The following ATOH8 variants were observed in gnomAD, a reference collection of about 807,000 sequenced individuals.
ATOH8 encodes transcription factor ATOH8.
ATOH8 carries 9 observed loss-of-function variants against 21.2 expected under a neutral mutation model. The observed-to-expected ratio is 0.42, with a 90% CI of 0.26 to 0.74. The LOEUF (loss-of-function observed/expected upper bound fraction) is 0.74, where lower values mean the gene tolerates loss of function less well. ATOH8 is among the 30% of genes least tolerant of loss of function. The pLI is 0.24. For synonymous variants in ATOH8, 253 were observed against 224.0 expected (o/e 1.13, Z -1.16); for missense variants, 524 against 470.9 (o/e 1.11, Z -1.04).
chr2:85,763,798 A>G (rs1679929233), intron 1 of ATOH8, among the ~76,000 whole-genome samples, 193 bp from the exon 2 acceptor site: 1 of 150,214 alleles, frequency 6.7e-6, no homozygotes, highest in African/African-American at 2.5e-5. Context: ...GAATGTGGGT[A>G]TATCTCAGAG....
At chr2:85,778,811 G>A (rs1274042755) in intron 2 of ATOH8, among the ~76,000 whole-genome samples, 1 of 152,218 alleles carries the variant, frequency 6.6e-6, no homozygotes. Context: ...ACCGTGGTCG[G>A]GGCATGTGAA....
At chr2:85,774,191 G>C (rs1343820834) in intron 2 of ATOH8, 1 of 985,386 alleles carries the variant, frequency 1.0e-6, no homozygotes, top group Non-Finnish European at 1.2e-6. Flanking sequence ...ACCCGAGGAA[G>C]GAAGAGGAAC....
At chr2:85,757,786 AT>A (rs11398141) in intron 1 of ATOH8, among the ~76,000 whole-genome samples, 7,488 of 138,594 alleles carry the variant, frequency 0.054, 553 homozygotes, top group East Asian at 0.24. Flanking sequence ...CTTTCATTTC[AT>A]TTTTTTTTTT....
At chr2:85,767,580 T>TCCTCCCCTCCCCTCCCCTCCCCTCC (rs1558611965) in intron 2 of ATOH8, among the ~76,000 whole-genome samples, 1 of 79,228 alleles carries the variant, frequency 1.3e-5, no homozygotes, top group Admixed American at 1.4e-4. Flanking sequence ...CCCTCCCCTC[T>TCCTCCCCTCCCCTCCCCTCCCCTCC]CCTTCCCTTC....
chr2:85,763,105 A>G (rs1416207595), intron 1 of ATOH8, among the ~76,000 whole-genome samples: 1 of 152,136 alleles, frequency 6.6e-6, no homozygotes, highest in Non-Finnish European at 1.5e-5. Context: ...TGAACAGTAC[A>G]TCATAGGAAC....
At chr2:85,783,195 C>T (rs1680540845) in intron 2 of ATOH8, among the ~76,000 whole-genome samples, 1 of 152,216 alleles carries the variant, frequency 6.6e-6, no homozygotes, top group Non-Finnish European at 1.5e-5. Context: ...TTCAGCACGT[C>T]AGAGCAGCTG....
intron 1 of ATOH8, among the ~76,000 whole-genome samples, chr2:85,758,165 T>G (rs1679769271): frequency 6.6e-6 from 1 of 152,198 alleles, no homozygotes; most frequent in Non-Finnish European, 1.5e-5. Context: ...CAATAAGAAT[T>G]CTTTAATTGT....
Position 85,754,952 on chromosome 2 carries a change from A to C in ATOH8, c.763A>C (p.Lys255Gln). The change falls in exon 1 of 3, where the codon AAG becomes CAG. Residue 255 changes from lysine (K) to glutamine (Q), a missense_variant. Physicochemically the swap from Lys to Gln is moderately conservative, Grantham distance 53 (BLOSUM62 1). Transcript: ENST00000306279. ...CAGCGCAGCCTTCGAGGCGCTCAGG[A>C]AGCAGGTACCCGCTCGCCGCCGCAC... ...TISAAFEALR[K>Q]QVPCYSYGQK... The C allele has an allele frequency of 4.4e-6, 7 of 1,590,770 alleles. No homozygotes were observed. Among genetic ancestry groups the C allele is most frequent in the Non-Finnish European group, 6.0e-6 (7 of 1,173,494 alleles).
intron 1 of ATOH8, among the ~76,000 whole-genome samples, chr2:85,762,799 C>T (rs756439776): frequency 2.1e-4 from 32 of 152,088 alleles, no homozygotes; most frequent in Non-Finnish European, 8.8e-5. Context: ...GTTGTGGGGG[C>T]ACTGTAGGAT....
chr2:85,762,935 A>T (rs1679904356), intron 1 of ATOH8, among the ~76,000 whole-genome samples: 1 of 152,124 alleles, frequency 6.6e-6, no homozygotes, highest in South Asian at 2.1e-4. Context: ...TGCCTGGCAT[A>T]TGGTGGGCGC....
intron 1 of ATOH8, among the ~76,000 whole-genome samples, chr2:85,760,265 C>T (rs1298264473): frequency 4.0e-5 from 6 of 150,614 alleles, no homozygotes; most frequent in Non-Finnish European, 4.4e-5. Context: ...GGCAGTCTGT[C>T]GGGAGTGGGA....
At chr2:85,784,982 T>C (rs368347641) in intron 2 of ATOH8, among the ~76,000 whole-genome samples, 20 of 152,324 alleles carry the variant, frequency 1.3e-4, no homozygotes, top group East Asian at 5.8e-4. Flanking sequence ...AGGTCGAGAA[T>C]TGAAGGTCAG....
At position 85,786,877 on chromosome 2, in the gene ATOH8, T is replaced by C; in HGVS notation, c.961-8T>C. The C allele has an allele frequency of 6.2e-7, 1 of 1,613,990 alleles. No individual in the cohort carries two copies. The highest frequency in any genetic ancestry group is 8.5e-7 in the Non-Finnish European group (1 of 1,179,982). ...GGGCAGCTTTTAATGGCTGGTCATG[T>C]CTTTCAGGAGTGACTGGCTGCAGGC... On this transcript the variant is annotated splice_region_variant and splice_polypyrimidine_tract_variant and intron_variant, in intron 2 of 2. Coordinates refer to ENST00000306279, the MANE Select transcript of ATOH8 (RefSeq NM_032827.7).
chr2:85,783,843 C>T (rs1231290925), intron 2 of ATOH8, among the ~76,000 whole-genome samples: 1 of 148,144 alleles, frequency 6.8e-6, no homozygotes, highest in Non-Finnish European at 1.5e-5. Flanking sequence ...TATGCACCCC[C>T]ACATGCACCC....
At chr2:85,783,878 A>T (rs866542516) in intron 2 of ATOH8, among the ~76,000 whole-genome samples, 14 of 151,272 alleles carry the variant, frequency 9.3e-5, no homozygotes, top group African/African-American at 3.2e-4. Context: ...ACAGCCACTT[A>T]TGAAGAGGTA....
At chr2:85,778,222 C>T (rs1033359347) in intron 2 of ATOH8, among the ~76,000 whole-genome samples, 1 of 152,252 alleles carries the variant, frequency 6.6e-6, no homozygotes, top group Admixed American at 6.5e-5. Context: ...AGGATTCAAA[C>T]AGAGGCCGTC....
At chr2:85,778,643 G>T (rs1401483813) in intron 2 of ATOH8, among the ~76,000 whole-genome samples, 1 of 152,220 alleles carries the variant, frequency 6.6e-6, no homozygotes, top group East Asian at 1.9e-4. Context: ...TTGCTGGCCA[G>T]CACTTTGGTG....
chr2:85,771,906 A>G (rs1038007469), intron 2 of ATOH8, among the ~76,000 whole-genome samples: 2 of 152,230 alleles, frequency 1.3e-5, no homozygotes, highest in Non-Finnish European at 2.9e-5. Context: ...GCCTGGGGCC[A>G]CATGGCCAGG....
In ATOH8 at chr2:85,785,785, G is replaced by C. The variant is rs1169374268; in HGVS notation, c.961-1100G>C. On this transcript the variant is annotated intron_variant, in intron 2 of 2. Coordinates refer to ENST00000306279, the MANE Select transcript of ATOH8 (RefSeq NM_032827.7). The surrounding 1 kb of genome is among the most constrained non-coding windows in gnomAD (Gnocchi z 4.1). Reference sequence around the variant, plus strand: ...TGGGAATGCTCCCTGGCAGGTCGGAGGTGCCTGACAGATGTTTTGCTTTAA... The same window carrying C: ...TGGGAATGCTCCCTGGCAGGTCGGACGTGCCTGACAGATGTTTTGCTTTAA... 6.6e-6 allele frequency among the ~76,000 whole-genome samples: 1 copy of C among 152,238 alleles called. No individual in the cohort carries two copies. Among genetic ancestry groups the C allele is most frequent in the Non-Finnish European group, 1.5e-5 (1 of 68,036 alleles).
Sources: gnomAD v4.1 joint callset for allele counts (sites outside exome capture counted in the v4.1 genomes callset) on GRCh38, gnomAD v4.1.1 for gene constraint, Gnocchi (gnomAD v3.1) non-coding constraint, MANE v1.5 for transcripts, NCBI Gene and HGNC (gene_info 2026-07-23, HGNC 2026-07-21) for gene names.